The following TANGO2 variants were observed in gnomAD, a reference collection of about 807,000 sequenced individuals.
The protein encoded by TANGO2 is transport and golgi organization 2 homolog.
A neutral mutation model predicts 39.1 loss-of-function variants in TANGO2; 26 were observed. The ratio of observed to expected loss-of-function variants is 0.67; its 90% CI spans 0.49 to 0.92. TANGO2 has a LOEUF of 0.92. Ranked by LOEUF, TANGO2 falls within the 40% of genes least tolerant of loss-of-function variation. The pLI is 0.00. For missense variants in TANGO2, 326 were observed against 360.1 expected, an observed-to-expected ratio of 0.91 and a Z score of 0.77; for synonymous variants, 131 against 144.5, an observed-to-expected ratio of 0.91 and a Z score of 0.67.
intron 1 of TANGO2, among the ~76,000 whole-genome samples, chr22:20,024,471 T>C (rs1569226705): frequency 6.6e-6 from 1 of 152,198 alleles, no homozygotes; most frequent in Non-Finnish European, 1.5e-5. Context: ...AACTCGTGCT[T>C]TCAAGCTCTG....
chr22:20,055,782 C>G, intron 5 of TANGO2, 161 bp from the exon 6 acceptor site: 1 of 651,984 alleles, frequency 1.5e-6, no homozygotes, highest in Non-Finnish European at 2.8e-6. Context: ...ACCCCGCCTG[C>G]CAGGCACCTG....
At chr22:20,063,585 G>A in intron 8 of TANGO2, 143 bp downstream of exon 8, 1 of 768,228 alleles carries the variant, frequency 1.3e-6, no homozygotes, top group Non-Finnish European at 2.0e-6. Context: ...GCCCTGTCCA[G>A]ACGCAGCTGC....
At position 20,034,738 on chromosome 22, in the gene TANGO2, G is replaced by A. The variant is rs546361832; in HGVS notation, c.-39-2022G>A. Among the ~76,000 whole-genome samples the A allele has an allele frequency of 2.2e-4, 33 of 152,252 alleles. No individual in the cohort carries two copies. In the South Asian group the frequency reaches 6.8e-3, roughly 32 times the overall value. On this transcript the variant is annotated intron_variant, in intron 1 of 8. Coordinates refer to ENST00000327374, the MANE Select transcript of TANGO2 (RefSeq NM_152906.7). The stretch of plus-strand genomic sequence containing the variant: ...CTGTTAGGTTCTTCATCCTGTGGGG[G>A]TGACTGGACCTTGTCTTCTGTCTCC...
At chr22:20,052,638 A>T (rs969702030) in intron 4 of TANGO2, 54 bp downstream of exon 4, 17 of 1,535,232 alleles carry the variant, frequency 1.1e-5, no homozygotes, top group Non-Finnish European at 1.5e-5. Flanking sequence ...GGGCAGGCCT[A>T]GGTGAGACAA....
intron 3 of TANGO2, among the ~76,000 whole-genome samples, chr22:20,045,835 C>G (rs1445514044): frequency 6.6e-6 from 1 of 151,886 alleles, no homozygotes; most frequent in African/African-American, 2.4e-5. Context: ...TTTCTGTCTT[C>G]TCTCTCACTC....
At chr22:20,046,610 A>G (rs914243097) in intron 3 of TANGO2, among the ~76,000 whole-genome samples, 2 of 151,690 alleles carry the variant, frequency 1.3e-5, no homozygotes, top group Admixed American at 6.6e-5. Flanking sequence ...GATTACAGGC[A>G]CCTGCCACCA....
intron 3 of TANGO2, among the ~76,000 whole-genome samples, chr22:20,049,799 C>T (rs1240110710): frequency 1.3e-5 from 2 of 152,094 alleles, no homozygotes; most frequent in African/African-American, 4.8e-5. Flanking sequence ...AACGAAAAGC[C>T]CCCTGGGATT....
intron 8 of TANGO2, 106 bp from the exon 9 acceptor site, chr22:20,064,436 G>A: frequency 1.4e-6 from 2 of 1,429,170 alleles, no homozygotes; most frequent in Non-Finnish European, 1.9e-6. Context: ...CTCCAGGCAT[G>A]GGGTTCCTAA....
At chr22:20,037,490 G>A (rs1474357245) in intron 2 of TANGO2, among the ~76,000 whole-genome samples, 2 of 152,180 alleles carry the variant, frequency 1.3e-5, no homozygotes, top group Non-Finnish European at 1.5e-5. Flanking sequence ...AACTGCTCGG[G>A]AAGTTTTCAT....
chr22:20,018,174 G>T (rs114858154), upstream of TANGO2, among the ~76,000 whole-genome samples: 420 of 152,366 alleles, frequency 2.8e-3, 2 homozygotes, highest in African/African-American at 9.4e-3. Flanking sequence ...ATGGTGAATC[G>T]ATCCCAGCTG....
At chr22:20,033,287 C>T (rs547378124) in intron 1 of TANGO2, 27 of 506,014 alleles carry the variant, frequency 5.3e-5, no homozygotes, top group Non-Finnish European at 8.4e-5. Context: ...CCAGGCTGTC[C>T]GGAGATCTGT....
intron 3 of TANGO2, among the ~76,000 whole-genome samples, chr22:20,045,272 CAAAAAAAA>C (rs695778): frequency 4.9e-5 from 6 of 121,252 alleles, no homozygotes; most frequent in Non-Finnish European, 1.1e-4. Context: ...CCTGTCTTTA[CAAAAAAAA>C]AAAAAAAAAT....
At chr22:20,056,946 T>C (rs1010797822) in intron 6 of TANGO2, 1 of 456,368 alleles carries the variant, frequency 2.2e-6, no homozygotes, top group Non-Finnish European at 4.4e-6. Flanking sequence ...CTGGGGAGTG[T>C]GTCAGTGCCC....
chr22:20,022,157 C>T (rs892784154), intron 1 of TANGO2, among the ~76,000 whole-genome samples: 1 of 152,260 alleles, frequency 6.6e-6, no homozygotes, highest in African/African-American at 2.4e-5. Flanking sequence ...TTGGGGCAAG[C>T]ATTCATTGAT....
chr22:20,058,027 CT>C (rs34587740), intron 6 of TANGO2: 52 of 132,234 alleles, frequency 3.9e-4, no homozygotes, highest in Admixed American at 4.9e-4. Flanking sequence ...TCCACATTGC[CT>C]TTTTTTTTTT....
rs1031224707 is a variant in TANGO2, at chr22:20,022,935, G to A, written c.-40+1689G>A. 3.9e-5 allele frequency among the ~76,000 whole-genome samples: 6 copies of A among 152,356 alleles called. No individual in the cohort carries two copies. In the South Asian group the frequency reaches 1.2e-3, roughly 32 times the overall value. ...ACGTGTCAGTCAGCACATGGCAGCA[G>A]CATGGCAGAGCCTGGCCTTTGTTGG... On this transcript the variant is annotated intron_variant, in intron 1 of 8. Transcript: ENST00000327374.
At chr22:20,055,891 G>C (rs1018276970) in intron 5 of TANGO2, 52 bp from the exon 6 acceptor site, 10 of 1,495,116 alleles carry the variant, frequency 6.7e-6, no homozygotes, top group Non-Finnish European at 9.3e-6. Flanking sequence ...GGGCAGTGTC[G>C]GGGAGGACGC....
intron 2 of TANGO2, chr22:20,037,157 G>A (rs1361523233): frequency 2.8e-5 from 42 of 1,480,614 alleles, no homozygotes; most frequent in Non-Finnish European, 3.3e-5. Flanking sequence ...GAGGAGGGTC[G>A]GGCGGCAGAA....
chr22:20,040,911 G>A (rs1412666022), intron 2 of TANGO2, among the ~76,000 whole-genome samples: 3 of 152,218 alleles, frequency 2.0e-5, no homozygotes, highest in African/African-American at 7.2e-5. Context: ...CCTGAGACCT[G>A]GTGCAGCCCT....
Sources: gnomAD v4.1 joint callset for allele counts (sites outside exome capture counted in the v4.1 genomes callset) on GRCh38, gnomAD v4.1.1 for gene constraint, MANE v1.5 for transcripts, NCBI Gene and HGNC (gene_info 2026-07-23, HGNC 2026-07-21) for gene names.